TANGO6: variants seen among roughly 807,000 people sequenced by gnomAD.
TANGO6 encodes the protein transport and Golgi organization protein 6 homolog.
In TANGO6, 90 loss-of-function variants were observed where a neutral mutation model predicts 114.2. The observed-to-expected ratio is 0.79, with a 90% CI of 0.66 to 0.94. The LOEUF (loss-of-function observed/expected upper bound fraction) is 0.94, where lower values mean the gene tolerates loss of function less well. Ranked by LOEUF, TANGO6 falls within the 40% of genes least tolerant of loss-of-function variation. The pLI, the probability that TANGO6 is intolerant of heterozygous loss-of-function variation, is 0.00. For missense variants in TANGO6, 1,274 were observed against 1,315.3 expected (o/e 0.97, Z 0.49); for synonymous variants, 477 against 509.8 (o/e 0.94, Z 0.87).
chr16:69,017,540 T>A (rs1330128305), intron 15 of TANGO6, among the ~76,000 whole-genome samples: 1 of 152,156 alleles, frequency 6.6e-6, no homozygotes, highest in Non-Finnish European at 1.5e-5. Flanking sequence ...CTTCTTCCTT[T>A]AACCACAACA....
intron 3 of TANGO6, 91 bp downstream of exon 3, chr16:68,863,152 C>G: frequency 1.4e-6 from 1 of 735,522 alleles, no homozygotes; most frequent in South Asian, 2.3e-5. Flanking sequence ...ACTTTAGTTC[C>G]CTGTTTAATG....
intron 16 of TANGO6, among the ~76,000 whole-genome samples, chr16:69,025,516 A>G (rs543770293): frequency 2.0e-5 from 3 of 152,356 alleles, no homozygotes; most frequent in East Asian, 3.9e-4. Flanking sequence ...CCCACAGTAT[A>G]GAAAACCAAT....
chr16:68,883,705 CTA>C (rs1429711361), intron 7 of TANGO6, among the ~76,000 whole-genome samples: 3 of 152,126 alleles, frequency 2.0e-5, no homozygotes, highest in Admixed American at 1.3e-4. Flanking sequence ...TGTAGTAACT[CTA>C]TGTTTTACTG....
chr16:69,005,338 G>C lies in TANGO6; in HGVS notation c.2843-17490G>C, dbSNP rs75837019. On this transcript the variant is annotated intron_variant, in intron 15 of 17. Transcript: ENST00000261778. ...TAAAGAGAAAATGTCAGAGAGAAGG[G>C]GTGACAGGGTGGGCTACTAAGGAAG... is the stretch of plus-strand genomic sequence containing the variant. Among the ~76,000 whole-genome samples the C allele has an allele frequency of 4.8e-3, 729 of 152,298 alleles. 6 individuals carry two copies. The highest frequency in any genetic ancestry group is 0.017 in the African/African-American group (694 of 41,564).
intron 14 of TANGO6, among the ~76,000 whole-genome samples, chr16:68,966,676 C>T (rs1232800551): frequency 1.3e-5 from 2 of 152,024 alleles, no homozygotes; most frequent in East Asian, 3.9e-4. Context: ...GTTGTGCTAG[C>T]TCACTAAACC....
intron 15 of TANGO6, among the ~76,000 whole-genome samples, chr16:69,021,543 G>T (rs1414382351): frequency 6.6e-6 from 1 of 152,106 alleles, no homozygotes; most frequent in African/African-American, 2.4e-5. Context: ...CCACAGAAGG[G>T]CAGGAATCAT....
At chr16:68,948,024 G>GATATATATATATATATAT (rs112762612) in intron 14 of TANGO6, among the ~76,000 whole-genome samples, 5 of 147,592 alleles carry the variant, frequency 3.4e-5, no homozygotes, top group African/African-American at 1.2e-4. Flanking sequence ...CAGTGCAGCT[G>GATATATATATATATATAT]ATATATATAT....
intron 14 of TANGO6, among the ~76,000 whole-genome samples, chr16:68,957,446 G>A (rs536499481): frequency 2.9e-4 from 42 of 146,246 alleles, no homozygotes; most frequent in African/African-American, 1.0e-3. Flanking sequence ...CACCCAGCCT[G>A]GAGTGCAGTG....
At chr16:68,880,819 C>T (rs1163731901) in intron 7 of TANGO6, among the ~76,000 whole-genome samples, 189 bp downstream of exon 7, 2 of 152,114 alleles carry the variant, frequency 1.3e-5, no homozygotes, top group Admixed American at 1.3e-4. Flanking sequence ...GCCGCTGCTC[C>T]CAGCCTTTTA....
At chr16:68,947,964 G>T (rs1185505266) in intron 14 of TANGO6, among the ~76,000 whole-genome samples, 1 of 151,862 alleles carries the variant, frequency 6.6e-6, no homozygotes, top group Non-Finnish European at 1.5e-5. Flanking sequence ...ATGGAGCTGG[G>T]ATCAAGCCAT....
At chr16:68,894,559 T>A (rs1962677697) in intron 7 of TANGO6, among the ~76,000 whole-genome samples, 1 of 151,930 alleles carries the variant, frequency 6.6e-6, no homozygotes, top group Non-Finnish European at 1.5e-5. Flanking sequence ...AGGACTAGGG[T>A]TATTAAAAGC....
intron 17 of TANGO6, among the ~76,000 whole-genome samples, chr16:69,078,722 C>T (rs1212886397): frequency 2.0e-5 from 3 of 152,060 alleles, no homozygotes; most frequent in African/African-American, 7.2e-5. Flanking sequence ...GTTAAATATA[C>T]GTTTCTGTAT....
At chr16:68,880,794 G>A (rs1962449548) in intron 7 of TANGO6, among the ~76,000 whole-genome samples, 164 bp downstream of exon 7, 1 of 152,054 alleles carries the variant, frequency 6.6e-6, no homozygotes, top group Admixed American at 6.6e-5. Flanking sequence ...CAAAGTGCTG[G>A]GATTACAGGT....
At position 68,843,585 on chromosome 16, in the gene TANGO6, A is replaced by G. The variant is rs1045948399; in HGVS notation, c.-33A>G. ...CGGCGGCGCCCTGCCGAGGCGCCTG[A>G]GCGGGTCGCGAGCGTGGTGTTACAC... On this transcript the variant is annotated 5_prime_UTR_variant, in exon 1 of 18. It removes the in-frame stop codon of an upstream open reading frame in the 5' UTR. Coordinates refer to ENST00000261778, the MANE Select transcript of TANGO6 (RefSeq NM_024562.2). 6.2e-7 allele frequency: 1 copy of G among 1,604,592 alleles called. No individual in the cohort carries two copies. Among genetic ancestry groups the G allele is most frequent in the African/African-American group, 1.3e-5 (1 of 74,596 alleles).
chr16:68,893,894 A>T (rs1224563591), intron 7 of TANGO6, among the ~76,000 whole-genome samples: 2 of 151,990 alleles, frequency 1.3e-5, no homozygotes, highest in African/African-American at 4.8e-5. Context: ...CTAGAAAGAG[A>T]CTAAACATAA....
At chr16:69,080,535 G>C (rs1386995530) in intron 17 of TANGO6, among the ~76,000 whole-genome samples, 2 of 152,172 alleles carry the variant, frequency 1.3e-5, no homozygotes, top group East Asian at 3.9e-4. Flanking sequence ...GGACAACAGA[G>C]TGAGACCCTG....
chr16:68,951,395 A>G (rs1963470298), intron 14 of TANGO6, among the ~76,000 whole-genome samples: 1 of 151,934 alleles, frequency 6.6e-6, no homozygotes, highest in African/African-American at 2.4e-5. Flanking sequence ...TTGTTAGTGG[A>G]GCAAAATGGG....
At chr16:68,858,481 C>T (rs1024738986) in intron 1 of TANGO6, among the ~76,000 whole-genome samples, 4 of 152,120 alleles carry the variant, frequency 2.6e-5, no homozygotes, top group Non-Finnish European at 5.9e-5. Context: ...TTTCATTTCA[C>T]GTATATTGTT....
At chr16:68,970,076 G>A (rs1246758454) in intron 14 of TANGO6, among the ~76,000 whole-genome samples, 1 of 152,134 alleles carries the variant, frequency 6.6e-6, no homozygotes, top group Non-Finnish European at 1.5e-5. Context: ...CAGTCATGGT[G>A]GTGGGGATGG....
Sources: gnomAD v4.1 joint callset for allele counts (sites outside exome capture counted in the v4.1 genomes callset) on GRCh38, gnomAD v4.1.1 for gene constraint, MANE v1.5 for transcripts, NCBI Gene and HGNC (gene_info 2026-07-23, HGNC 2026-07-21) for gene names.